The following RPUSD1 variants were observed in gnomAD, a reference collection of about 807,000 sequenced individuals.
RPUSD1 encodes the protein RNA pseudouridine synthase domain containing 1.
RPUSD1 carries 28 observed loss-of-function variants against 22.4 expected under a neutral mutation model. The observed-to-expected ratio is 1.25, with a 90% confidence interval of 0.93 to 1.72. RPUSD1 has a LOEUF of 1.72. Among genes scored for constraint, RPUSD1 ranks in the 40% most tolerant of loss-of-function variants. The pLI is 0.00. For synonymous variants in RPUSD1, 298 were observed against 201.0 expected (o/e 1.48, Z -4.08); for missense variants, 596 against 442.2 (o/e 1.35, Z -3.12).
chr16:785,607 G>C lies in RPUSD1; in HGVS notation c.*343C>G, dbSNP rs369256538. On this transcript the variant is annotated 3_prime_UTR_variant, in exon 6 of 6. Transcript: ENST00000007264. ...CCCTGCCTCTTCCTGAGGTGACCTT[G>C]AGTCCGTAAAACTGACGCCCCTGGG... 1 of 263,122 alleles carries C rather than the reference G, an allele frequency of 3.8e-6. No individual in the cohort carries two copies. Among genetic ancestry groups the C allele is most frequent in the African/African-American group, 2.2e-5 (1 of 45,324 alleles). 16.3% of individuals were successfully genotyped at this position (263,122 alleles called of 1,614,324 possible). A position where few individuals can be genotyped will look rare whatever the true frequency, so the allele number is the denominator to read the frequency against.
chr16:787,244 A>C lies in RPUSD1; in HGVS notation c.307-65T>G. 6 of 1,552,386 alleles carry C rather than the reference A, an allele frequency of 3.9e-6. No homozygotes were observed. The South Asian group carries it at 5.8e-5, about 15-fold the overall frequency. On this transcript the variant is annotated intron_variant, in intron 3 of 5. Transcript: ENST00000007264. ...CCCAGTGCTGCCGGGGAGCCCACCT[A>C]ACACCAAGCAACCACGTAGAGCGTG...
chr16:785,717 G>C lies in RPUSD1; in HGVS notation c.*233C>G. The C allele has an allele frequency of 4.9e-6, 2 of 407,042 alleles. No individual in the cohort carries two copies. Among genetic ancestry groups the C allele is most frequent in the Non-Finnish European group, 8.6e-6 (2 of 232,354 alleles). 25.2% of individuals were successfully genotyped at this position (407,042 alleles called of 1,614,324 possible). On this transcript the variant is annotated 3_prime_UTR_variant, in exon 6 of 6. Coordinates refer to ENST00000007264, the MANE Select transcript of RPUSD1 (RefSeq NM_058192.3). ...GGCATGTGGGCAGGAAGGCCCTCGG[G>C]ATCCCGCATCAGTCCCACGGCCGCG...
chr16:788,164 G>C, intron 1 of RPUSD1, 92 bp downstream of exon 1: 1 of 434,658 alleles, frequency 2.3e-6, no homozygotes, highest in South Asian at 1.6e-5. Context: ...GCTCCCCGCA[G>C]TCCGCGCAGA....
Position 787,762 on chromosome 16 carries a change from G to T in RPUSD1, c.-7-18C>A. Reference sequence around the variant, plus strand: ...TGGCCGGCCTGCCGAGCCACGCGTGGGTGCGTGTGCTGTGAGCACGTGGTG... The same window carrying T: ...TGGCCGGCCTGCCGAGCCACGCGTGTGTGCGTGTGCTGTGAGCACGTGGTG... On this transcript the variant is annotated intron_variant, in intron 1 of 5. Coordinates refer to ENST00000007264, the MANE Select transcript of RPUSD1 (RefSeq NM_058192.3). 1 of 1,603,694 alleles carries T rather than the reference G, an allele frequency of 6.2e-7. No individual in the cohort carries two copies.
In RPUSD1 at chr16:785,932, G is replaced by T. The variant is rs754000535; in HGVS notation, c.*18C>A. 102 of 1,428,612 alleles carry T rather than the reference G, an allele frequency of 7.1e-5. No individual in the cohort carries two copies. In the African/African-American group the frequency reaches 1.2e-3, roughly 17 times the overall value. The allele number at this position is 1,428,612 out of a possible 1,614,324, so 88.5% of individuals were successfully genotyped here. A position where few individuals can be genotyped will look rare whatever the true frequency, so the allele number is the denominator to read the frequency against. ...TCCCGCTGTGCAGCTGACACCCCCT[G>T]CCCCAGCCCCACGGCTCTCAGCTGT... On this transcript the variant is annotated 3_prime_UTR_variant, in exon 6 of 6. Coordinates refer to ENST00000007264, the MANE Select transcript of RPUSD1 (RefSeq NM_058192.3).
At chr16:786,529 G>A (rs931798193) in intron 5 of RPUSD1, 152 bp from the exon 6 acceptor site, 43 of 791,920 alleles carry the variant, frequency 5.4e-5, no homozygotes, top group Middle Eastern at 2.4e-4. Context: ...CATGAGTGAG[G>A]ATGACAGTAT....
rs1567381373 is a variant in RPUSD1, at chr16:787,552, C to G, written c.182+4G>C. On this transcript the variant is annotated splice_donor_region_variant and intron_variant, in intron 2 of 5. Coordinates refer to ENST00000007264, the MANE Select transcript of RPUSD1 (RefSeq NM_058192.3). Reference sequence around the variant, plus strand: ...CACCGTGGGGCTCCGGCCGCCCCCCCTACCTGAACCCGTAGCAGGTGTCAG... The same window carrying G: ...CACCGTGGGGCTCCGGCCGCCCCCCGTACCTGAACCCGTAGCAGGTGTCAG... 2 of 1,609,688 alleles carry G rather than the reference C, an allele frequency of 1.2e-6. No homozygotes were observed. The highest frequency in any genetic ancestry group is 1.1e-5 in the South Asian group (1 of 90,918).
chr16:787,815 C>G, intron 1 of RPUSD1, 71 bp from the exon 2 acceptor site: 1 of 1,496,376 alleles, frequency 6.7e-7, no homozygotes, highest in Non-Finnish European at 9.0e-7. Context: ...ACAGAGGTAC[C>G]CGCACCGCCC....
chr16:787,454 G>C lies in RPUSD1; in HGVS notation c.206C>G (p.Ser69Cys), dbSNP rs753423778. The stretch of plus-strand genomic sequence containing the variant: ...GGCCACGCACAGCGCCCCGCTGGTG[G>C]AGAAATCCAGCTGGTGGCAGAACCT... ...GFRFCHQLDF[S>C]TSGALCVALN... Residue 69 changes from serine (S) to cysteine (C), a missense_variant, in exon 3 of 6, where the codon TCC becomes TGC. By Grantham distance (112) the Ser-to-Cys change is moderately radical. Coordinates refer to ENST00000007264, the MANE Select transcript of RPUSD1 (RefSeq NM_058192.3). The C allele has an allele frequency of 6.3e-7, 1 of 1,584,458 alleles. No individual in the cohort carries two copies. The highest frequency in any genetic ancestry group is 8.6e-7 in the Non-Finnish European group (1 of 1,165,348).
At position 785,757 on chromosome 16, in the gene RPUSD1, T is replaced by A; in HGVS notation, c.*193A>T. 1 of 459,552 alleles carries A rather than the reference T, an allele frequency of 2.2e-6. No individual in the cohort carries two copies. The highest frequency in any genetic ancestry group is 3.7e-6 in the Non-Finnish European group (1 of 272,306). 28.5% of individuals were successfully genotyped at this position (459,552 alleles called of 1,614,324 possible). A position where few individuals can be genotyped will look rare whatever the true frequency, so the allele number is the denominator to read the frequency against. On this transcript the variant is annotated 3_prime_UTR_variant, in exon 6 of 6. Transcript: ENST00000007264. ...CCACGGCCGCGGTGCGGTCGTCACC[T>A]GTGATCACGGCTGCCTGGCGCCCCC...
intron 5 of RPUSD1, 39 bp downstream of exon 5, chr16:786,788 C>G (rs767347502): frequency 6.5e-7 from 1 of 1,549,056 alleles, no homozygotes; most frequent in South Asian, 1.1e-5. Context: ...CTCAGTTTCC[C>G]TTCTGTCACC....
Position 787,813 on chromosome 16 carries a change from AC to A in RPUSD1, c.-7-70del, listed in dbSNP as rs2042006421. 3 of 1,509,846 alleles carry A rather than the reference AC, an allele frequency of 2.0e-6. No homozygotes were observed. In the East Asian group the frequency reaches 6.8e-5, roughly 34 times the overall value. The allele number at this position is 1,509,846 out of a possible 1,614,324, so 93.5% of individuals were successfully genotyped here. On this transcript the variant is annotated intron_variant, in intron 1 of 5. Transcript: ENST00000007264. ...CGCCCCCAGCCCAGCATACAGAGGTACCCGCACCGCCCCACCCGGGCTCCGG... is the reference window on the plus strand; with the variant it reads ...CGCCCCCAGCCCAGCATACAGAGGTACCGCACCGCCCCACCCGGGCTCCGG...
At position 786,310 on chromosome 16, in the gene RPUSD1, G is replaced by A. The variant is rs367977361; in HGVS notation, c.579C>T (p.Tyr193=). 7.8e-5 allele frequency: 125 copies of A among 1,612,580 alleles called. No individual in the cohort carries two copies. Among genetic ancestry groups the A allele is most frequent in the Middle Eastern group, 1.6e-4 (1 of 6,084 alleles). The change falls in exon 6 of 6, where the codon TAC becomes TAT. Residue 193 remains tyrosine (Y), a synonymous_variant. Transcript: ENST00000007264. ...LGHPVVGDLT[Y]GEVSGREDRP... is the part of the protein sequence containing the mutation. ...GGTCCTCCCGGCCCGAGACTTCTCC[G>A]TAGGTCAGGTCGCCCACCACGGGGT...
intron 1 of RPUSD1, 105 bp downstream of exon 1, chr16:788,151 C>G (rs1356850533): frequency 6.8e-6 from 3 of 443,988 alleles, no homozygotes; most frequent in South Asian, 3.2e-5. Flanking sequence ...CTGGGGCCTC[C>G]TCGCTCCCCG....
rs768347427 is a variant in RPUSD1 at position 786,073 on chromosome 16, G to A, written c.816C>T (p.Pro272=). Residue 272 remains proline, a synonymous_variant, in exon 6 of 6, where the codon CCC becomes CCT. Transcript: ENST00000007264. ...GGCCGGGCCCAGGCAGGAGTGCGGA[G>A]GGGCTGCCTGGCCTGGGGCCCCTAT... ...PEDRGPRPGS[P]SALLPGPGRP... 7 of 1,559,660 alleles carry A rather than the reference G, an allele frequency of 4.5e-6. No individual in the cohort carries two copies. The highest frequency in any genetic ancestry group is 4.5e-5 in the East Asian group (2 of 44,150).
At chr16:787,857 G>A (rs3817833) in intron 1 of RPUSD1, 113 bp from the exon 2 acceptor site, 293,695 of 1,093,822 alleles carry the variant, frequency 0.27, 44,159 homozygotes, top group South Asian at 0.5. Context: ...CCACCGAGCC[G>A]GGTCCGCAGC....
rs2041878182 is a variant in RPUSD1, at chr16:785,701, GCAGGAAGGCCCTCGGGATCC to G, written c.*229_*248del. ...CCTCGGTTTCTCCCGGGGCATGTGG[GCAGGAAGGCCCTCGGGATCC>G]CGCATCAGTCCCACGGCCGCGGTGC... On this transcript the variant is annotated 3_prime_UTR_variant, in exon 6 of 6. Coordinates refer to ENST00000007264, the MANE Select transcript of RPUSD1 (RefSeq NM_058192.3). 18 of 403,972 alleles carry G rather than the reference GCAGGAAGGCCCTCGGGATCC, an allele frequency of 4.5e-5. No individual in the cohort carries two copies. In the East Asian group the frequency reaches 6.5e-4, roughly 15 times the overall value. 25.0% of individuals were successfully genotyped at this position (403,972 alleles called of 1,614,324 possible). A position where few individuals can be genotyped will look rare whatever the true frequency, so the allele number is the denominator to read the frequency against.
rs184549160 is a variant in RPUSD1, at chr16:787,266, C to T, written c.307-87G>A. On this transcript the variant is annotated intron_variant, in intron 3 of 5. Transcript: ENST00000007264. ...CCTAACACCAAGCAACCACGTAGAG[C>T]GTGGTGGGAGGCTCTGAGCCAGGGC... 219 of 1,547,184 alleles carry T rather than the reference C, an allele frequency of 1.4e-4. 1 individual carries two copies. The highest frequency in any genetic ancestry group is 2.6e-4 in the African/African-American group (19 of 73,168).
Position 785,869 on chromosome 16 carries a change from GC to G in RPUSD1, c.*80del. 1 of 1,253,200 alleles carries G rather than the reference GC, an allele frequency of 8.0e-7. No homozygotes were observed. Among genetic ancestry groups the G allele is most frequent in the Non-Finnish European group, 1.0e-6 (1 of 957,658 alleles). The allele number at this position is 1,253,200 out of a possible 1,614,324, so 77.6% of individuals were successfully genotyped here. A position where few individuals can be genotyped will look rare whatever the true frequency, so the allele number is the denominator to read the frequency against. ...CTGCCTGGCACCTCGAGGCCCCAGA[GC>G]CAGTGAGCAGACGCTCGCTCGCCCA... On this transcript the variant is annotated 3_prime_UTR_variant, in exon 6 of 6. Coordinates refer to ENST00000007264, the MANE Select transcript of RPUSD1 (RefSeq NM_058192.3).
Sources: gnomAD v4.1 joint callset for allele counts on GRCh38, gnomAD v4.1.1 for gene constraint, MANE v1.5 for transcripts, NCBI Gene and HGNC (gene_info 2026-07-23, HGNC 2026-07-21) for gene names.